PCNX2: variants seen among roughly 807,000 people sequenced by gnomAD.
PCNX2 encodes the protein pecanex-like protein 2.
A neutral mutation model predicts 223.8 loss-of-function variants in PCNX2; 168 were observed. The ratio of observed to expected loss-of-function variants is 0.75; its 90% CI spans 0.66 to 0.85. The LOEUF is 0.85. Ranked by LOEUF, PCNX2 falls within the 40% of genes least tolerant of loss-of-function variation. PCNX2 has a pLI of 0.00. For missense variants in PCNX2, 2,507 were observed against 2,675.5 expected (o/e 0.94, Z 1.39); for synonymous variants, 1,006 against 1,052.6 (o/e 0.96, Z 0.86).
intron 15 of PCNX2, among the ~76,000 whole-genome samples, chr1:233,191,125 T>C (rs1197847733): frequency 1.3e-5 from 2 of 152,204 alleles, no homozygotes; most frequent in East Asian, 3.8e-4. Context: ...CAAGAAAAAG[T>C]TGTGTAACAA....
At chr1:233,069,155 A>G (rs1397105014) in intron 23 of PCNX2, among the ~76,000 whole-genome samples, 2 of 152,190 alleles carry the variant, frequency 1.3e-5, no homozygotes, top group Non-Finnish European at 2.9e-5. Context: ...ATCCACAAAG[A>G]AAACACATCA....
chr1:233,142,586 T>C (rs1457675014), intron 19 of PCNX2, among the ~76,000 whole-genome samples: 3 of 152,200 alleles, frequency 2.0e-5, no homozygotes, highest in African/African-American at 7.2e-5. Context: ...GAGCTCACTC[T>C]GGCCTTTTCT....
intron 15 of PCNX2, among the ~76,000 whole-genome samples, chr1:233,195,727 T>A (rs1680688368): frequency 6.6e-6 from 1 of 152,140 alleles, no homozygotes; most frequent in East Asian, 1.9e-4. Flanking sequence ...AAAGGTGCAA[T>A]AGTTTCAGGT....
intron 21 of PCNX2, among the ~76,000 whole-genome samples, chr1:233,098,906 G>A: frequency 6.6e-6 from 1 of 152,188 alleles, no homozygotes; most frequent in East Asian, 1.9e-4. Flanking sequence ...TAAAAGCTTA[G>A]AACAGTGCCT....
intron 9 of PCNX2, among the ~76,000 whole-genome samples, chr1:233,235,957 A>AAAAATATATATATATATATAT (rs369886650): frequency 4.5e-4 from 42 of 93,072 alleles, no homozygotes; most frequent in African/African-American, 1.1e-3. Context: ...CATAAAAAAA[A>AAAAATATATATATATATATAT]ATATATATAT....
chr1:233,074,574 G>A (rs527954960), intron 23 of PCNX2, among the ~76,000 whole-genome samples: 71 of 113,968 alleles, frequency 6.2e-4, no homozygotes, highest in Non-Finnish European at 1.0e-3. Flanking sequence ...CAGCCTGGGC[G>A]ACAGAGCGAG....
chr1:233,076,436 C>A (rs1673101182), intron 23 of PCNX2, among the ~76,000 whole-genome samples: 1 of 152,104 alleles, frequency 6.6e-6, no homozygotes, highest in South Asian at 2.1e-4. Flanking sequence ...AAGTCAGGAC[C>A]TTCAGTTTTT....
chr1:233,020,786 A>G lies in PCNX2; in HGVS notation c.4606-3632T>C, dbSNP rs185181927. Among the ~76,000 whole-genome samples, 271 of 152,364 alleles carry G rather than the reference A, an allele frequency of 1.8e-3. 1 individual carries two copies. Among genetic ancestry groups the G allele is most frequent in the African/African-American group, 6.1e-3 (255 of 41,588 alleles). On this transcript the variant is annotated intron_variant, in intron 26 of 33. Coordinates refer to ENST00000258229, the MANE Select transcript of PCNX2 (RefSeq NM_014801.4). ...AGAGAGATGGAGGAGACACGAGGGA[A>G]AACCTCAAGTCGCCAGGAAGGAAAT...
chr1:233,098,572 A>G (rs1401733468), intron 21 of PCNX2, among the ~76,000 whole-genome samples: 1 of 152,162 alleles, frequency 6.6e-6, no homozygotes, highest in East Asian at 1.9e-4. Context: ...AAGCCTTTCA[A>G]CATGAAGCTC....
chr1:232,999,349 C>G lies in PCNX2; in HGVS notation c.5359G>C (p.Ala1787Pro). 6.3e-7 allele frequency: 1 copy of G among 1,598,550 alleles called. No homozygotes were observed. The highest frequency in any genetic ancestry group is 8.5e-7 in the Non-Finnish European group (1 of 1,172,622). Reference protein sequence around the residue: ...VNKECVRGLWAGQQQELIFLR... With the variant: ...VNKECVRGLWPGQQQELIFLR... Reference sequence around the variant, plus strand: ...AATATAAGCTCCTGCTGCTGCCCGGCCCAAAGTCCTCGGACGCATTCTTTG... The same window carrying G: ...AATATAAGCTCCTGCTGCTGCCCGGGCCAAAGTCCTCGGACGCATTCTTTG... Residue 1787 changes from alanine to proline, a missense_variant, in exon 31 of 34, where the codon GCC becomes CCC. Transcript: ENST00000258229.
intron 12 of PCNX2, among the ~76,000 whole-genome samples, chr1:233,216,044 A>AT (rs369642889): frequency 2.6e-5 from 4 of 152,102 alleles, no homozygotes; most frequent in African/African-American, 7.2e-5. Flanking sequence ...CCTGGATATA[A>AT]TTTTTTTTAA....
chr1:233,046,358 T>C (rs76240067), intron 25 of PCNX2, among the ~76,000 whole-genome samples: 1,584 of 152,212 alleles, frequency 0.01, 6 homozygotes, highest in South Asian at 0.025. Flanking sequence ...GGAGGTAAAA[T>C]AAAACAGACC....
intron 14 of PCNX2, among the ~76,000 whole-genome samples, chr1:233,199,638 G>A (rs1416210443): frequency 2.0e-5 from 3 of 152,092 alleles, no homozygotes; most frequent in African/African-American, 7.2e-5. Context: ...ATCCACCTTG[G>A]TCTGAATCTA....
chr1:233,216,367 T>C (rs937905015), intron 12 of PCNX2, among the ~76,000 whole-genome samples: 25 of 152,208 alleles, frequency 1.6e-4, no homozygotes, highest in African/African-American at 6.0e-4. Flanking sequence ...AGAGTCTTTG[T>C]TATGAATTAG....
In PCNX2 at chr1:233,258,363, G is replaced by T. The variant is rs1048345552; in HGVS notation, c.1499C>A (p.Thr500Lys). 1.1e-5 allele frequency: 17 copies of T among 1,614,028 alleles called. No homozygotes were observed. Among genetic ancestry groups the T allele is most frequent in the Non-Finnish European group, 1.4e-5 (16 of 1,179,904 alleles). ...WESVSRLTPD[T>K]GSESKVGKEG... The stretch of plus-strand genomic sequence containing the variant: ...CTTCCCCACCTTAGACTCGGAGCCT[G>T]TATCAGGTGTAAGCCGGGACACCGA... Residue 500 changes from threonine (T) to lysine (K), a missense_variant, in exon 5 of 34, where the codon ACA becomes AAA. Coordinates refer to ENST00000258229, the MANE Select transcript of PCNX2 (RefSeq NM_014801.4).
At chr1:233,174,743 T>C (rs1419600956) in intron 17 of PCNX2, among the ~76,000 whole-genome samples, 1 of 152,122 alleles carries the variant, frequency 6.6e-6, no homozygotes, top group African/African-American at 2.4e-5. Flanking sequence ...ATATGAAAGT[T>C]AAAAGAGTCT....
chr1:233,291,174 T>TA (rs1384824614), intron 1 of PCNX2: 2 of 834,334 alleles, frequency 2.4e-6, no homozygotes, highest in African/African-American at 3.7e-5. Context: ...CCACTGACTA[T>TA]AGATGACTGT....
At position 233,079,290 on chromosome 1, in the gene PCNX2, C is replaced by T. The variant is rs540558663; in HGVS notation, c.4076+10771G>A. On this transcript the variant is annotated intron_variant, in intron 23 of 33. Coordinates refer to ENST00000258229, the MANE Select transcript of PCNX2 (RefSeq NM_014801.4). ...CTGTAATTCCAGCACTTTGGGAGGC[C>T]GAGGCGAGCAGATCACGAGGTCAGG... Among the ~76,000 whole-genome samples the T allele has an allele frequency of 6.6e-5, 10 of 151,950 alleles. No individual in the cohort carries two copies. In the South Asian group the frequency reaches 1.0e-3, roughly 16 times the overall value.
intron 19 of PCNX2, among the ~76,000 whole-genome samples, chr1:233,154,643 T>A (rs1405525468): frequency 6.6e-6 from 1 of 152,222 alleles, no homozygotes; most frequent in Non-Finnish European, 1.5e-5. Context: ...ATTATATAAT[T>A]CCATATATTT....
Sources: allele counts gnomAD v4.1 joint callset (sites outside exome capture counted in the v4.1 genomes callset), GRCh38; gene constraint gnomAD v4.1.1; transcripts MANE v1.5; gene names NCBI Gene and HGNC (gene_info 2026-07-23, HGNC 2026-07-21).